ARHGEF4: variants seen among roughly 807,000 people sequenced by gnomAD.
The protein encoded by ARHGEF4 is Rho guanine nucleotide exchange factor 4, also known as APC-stimulated guanine nucleotide exchange factor 1.
Under a neutral mutation model 162.0 loss-of-function variants are expected in ARHGEF4, and 119 were observed. The observed-to-expected ratio is 0.73, with a 90% CI of 0.63 to 0.86. The LOEUF (loss-of-function observed/expected upper bound fraction) is 0.86. Ranked by LOEUF, ARHGEF4 falls within the 40% of genes least tolerant of loss-of-function variation. The probability of loss-of-function intolerance (pLI) is 0.00; values close to 1 mark genes in which losing one functional copy is unlikely to be tolerated. For synonymous variants in ARHGEF4, 1,014 were observed against 979.9 expected (o/e 1.03, Z -0.65); for missense variants, 2,488 against 2,456.0 (o/e 1.01, Z -0.28).
chr2:131,045,497 G>C, intron 13 of ARHGEF4, 51 bp downstream of exon 13: 1 of 1,613,610 alleles, frequency 6.2e-7, no homozygotes, highest in Non-Finnish European at 8.5e-7. Flanking sequence ...TTACCCTGCT[G>C]ACATCATTCC....
chr2:130,913,108 C>G (rs1681291309), intron 1 of ARHGEF4, among the ~76,000 whole-genome samples: 1 of 152,050 alleles, frequency 6.6e-6, no homozygotes. Flanking sequence ...TGGAACATAT[C>G]CCCTGTGGAT....
intron 1 of ARHGEF4, among the ~76,000 whole-genome samples, chr2:130,906,736 G>A (rs1049920484): frequency 3.4e-4 from 52 of 152,234 alleles, no homozygotes; most frequent in African/African-American, 1.1e-3. Flanking sequence ...GTATCCAGTC[G>A]ACACGTCATT....
intron 6 of ARHGEF4, 34 bp from the exon 7 acceptor site, chr2:131,039,982 T>C: frequency 6.5e-7 from 1 of 1,545,978 alleles, no homozygotes; most frequent in Non-Finnish European, 8.7e-7. Flanking sequence ...CTCCGAGGGA[T>C]GCGGGGCACT....
At chr2:130,867,916 T>G (rs528137674) in intron 1 of ARHGEF4, among the ~76,000 whole-genome samples, 3 of 150,570 alleles carry the variant, frequency 2.0e-5, no homozygotes, top group East Asian at 2.0e-4. Flanking sequence ...GGTGGATGTG[T>G]TTTTTTCTTT....
chr2:131,040,668 G>C (rs1690737949), intron 8 of ARHGEF4, among the ~76,000 whole-genome samples: 1 of 152,206 alleles, frequency 6.6e-6, no homozygotes, highest in Non-Finnish European at 1.5e-5. Flanking sequence ...GCAGAGGGCT[G>C]GGGCGTCCCC....
intron 1 of ARHGEF4, among the ~76,000 whole-genome samples, chr2:130,888,488 T>TA (rs1452624022): frequency 3.9e-5 from 6 of 152,046 alleles, no homozygotes; most frequent in Admixed American, 1.3e-4. Flanking sequence ...GTGCTTAACT[T>TA]ATTAATGCTG....
intron 1 of ARHGEF4, among the ~76,000 whole-genome samples, chr2:130,886,599 G>T (rs13023521): frequency 0.24 from 35,643 of 151,010 alleles, 5,679 homozygotes; most frequent in African/African-American, 0.42. Flanking sequence ...GAGAATGGCG[G>T]GAACCCGGGA....
intron 4 of ARHGEF4, among the ~76,000 whole-genome samples, chr2:130,983,811 G>A (rs944422668): frequency 6.6e-6 from 1 of 151,886 alleles, no homozygotes; most frequent in African/African-American, 2.4e-5. Context: ...CACCACACCC[G>A]GCTAATTTTT....
intron 1 of ARHGEF4, among the ~76,000 whole-genome samples, chr2:130,849,828 GTGC>G (rs1681274478): frequency 6.6e-6 from 1 of 152,152 alleles, no homozygotes; most frequent in Non-Finnish European, 1.5e-5. Context: ...GCCTCCCAAA[GTGC>G]TGGGATTACA....
At chr2:131,023,088 A>AAAAAAG (rs2105357841) in intron 4 of ARHGEF4, among the ~76,000 whole-genome samples, 1 of 150,410 alleles carries the variant, frequency 6.6e-6, no homozygotes, top group African/African-American at 2.4e-5. Context: ...AAAAAAAAAA[A>AAAAAAG]AAAAAAAGAA....
chr2:130,855,317 G>C (rs1441269258), intron 1 of ARHGEF4, among the ~76,000 whole-genome samples: 1 of 152,142 alleles, frequency 6.6e-6, no homozygotes, highest in South Asian at 2.1e-4. Flanking sequence ...CCACTGTGAG[G>C]CTTGACAATC....
In ARHGEF4 at chr2:130,889,893, C is replaced by T. The variant is rs1387733930; in HGVS notation, c.40-24093C>T. Among the ~76,000 whole-genome samples the T allele has an allele frequency of 3.3e-5, 5 of 151,208 alleles. No individual in the cohort carries two copies. In the East Asian group the frequency reaches 9.7e-4, roughly 29 times the overall value. On this transcript the variant is annotated intron_variant, in intron 1 of 13. Transcript: ENST00000409359. The stretch of plus-strand genomic sequence containing the variant: ...TGCAATTCTGGTTTGGCTGCTACTT[C>T]CTTTTAGCGTATTGAGATTTCATTC...
chr2:130,962,714 C>T (rs557737268), intron 4 of ARHGEF4, among the ~76,000 whole-genome samples: 1 of 152,022 alleles, frequency 6.6e-6, no homozygotes, highest in African/African-American at 2.4e-5. Context: ...GCATGCACCT[C>T]TCATTTCATC....
chr2:131,028,849 A>G (rs1213902757), intron 5 of ARHGEF4, among the ~76,000 whole-genome samples: 1 of 152,226 alleles, frequency 6.6e-6, no homozygotes, highest in African/African-American at 2.4e-5. Context: ...CTGCTTCATT[A>G]AAACTGGACT....
rs1689599835 is a variant in ARHGEF4, at chr2:131,028,099, G to A, written c.4125+15G>A. ...CTATCAATGAGGTAGGGTCAGGGCTGCACGGGCAGAGGGAGGGACAGGCTG... is the reference window on the plus strand; with the variant it reads ...CTATCAATGAGGTAGGGTCAGGGCTACACGGGCAGAGGGAGGGACAGGCTG... On this transcript the variant is annotated intron_variant, in intron 5 of 13. Coordinates refer to ENST00000409359, the MANE Select transcript of ARHGEF4 (RefSeq NM_001367493.1). 1 of 1,613,054 alleles carries A rather than the reference G, an allele frequency of 6.2e-7. No homozygotes were observed. Among genetic ancestry groups the A allele is most frequent in the Non-Finnish European group, 8.5e-7 (1 of 1,179,766 alleles).
At chr2:130,856,230 C>G (rs891394626) in intron 1 of ARHGEF4, among the ~76,000 whole-genome samples, 5 of 152,078 alleles carry the variant, frequency 3.3e-5, no homozygotes, top group African/African-American at 1.2e-4. Context: ...GAAAAATTCA[C>G]CAGAGGGGCT....
At chr2:130,986,801 C>G (rs1686532839) in intron 4 of ARHGEF4, among the ~76,000 whole-genome samples, 1 of 152,182 alleles carries the variant, frequency 6.6e-6, no homozygotes. Context: ...CCTGCTCTCC[C>G]AATAGTTCCC....
intron 1 of ARHGEF4, among the ~76,000 whole-genome samples, chr2:130,880,365 C>A (rs1679114064): frequency 1.3e-5 from 2 of 152,168 alleles, no homozygotes; most frequent in Admixed American, 6.5e-5. Context: ...GGATAGGGGT[C>A]CTCATATGCC....
At position 130,917,433 on chromosome 2, in the gene ARHGEF4, G is replaced by A. The variant is rs1406003691; in HGVS notation, c.3487G>A (p.Glu1163Lys). ...AGATGAGCAGAAGGAAGAGAGCAGG[G>A]AAGGAGGCCAGGGTCCGCGCGGCTT... is the stretch of plus-strand genomic sequence containing the variant. Reference protein sequence around the residue: ...NQDEQKEESREGGQGPRGLGT... With the variant: ...NQDEQKEESRKGGQGPRGLGT... The change falls in exon 2 of 14, where the codon GAA becomes AAA. Residue 1163 changes from glutamate (E) to lysine (K), a missense_variant. Glu to Lys is a moderately conservative substitution (Grantham distance 56, BLOSUM62 1). Transcript: ENST00000409359. 6.4e-7 allele frequency: 1 copy of A among 1,550,662 alleles called. No individual in the cohort carries two copies. The highest frequency in any genetic ancestry group is 2.0e-5 in the Admixed American group (1 of 51,016).
Sources: gnomAD v4.1 joint callset for allele counts (sites outside exome capture counted in the v4.1 genomes callset) on GRCh38, gnomAD v4.1.1 for gene constraint, MANE v1.5 for transcripts, NCBI Gene and HGNC (gene_info 2026-07-23, HGNC 2026-07-21) for gene names.